The following DAB1 variants were observed in gnomAD, a reference collection of about 807,000 sequenced individuals.
DAB1 encodes DAB adaptor protein 1.
In DAB1, 15 loss-of-function variants were observed where a neutral mutation model predicts 64.6. The observed-to-expected ratio is 0.23, with a 90% CI of 0.16 to 0.36. The LOEUF (loss-of-function observed/expected upper bound fraction) is 0.36, where lower values mean the gene tolerates loss of function less well. Ranked by LOEUF, DAB1 falls within the 10% of genes least tolerant of loss-of-function variation. The pLI, the probability that DAB1 is intolerant of heterozygous loss-of-function variation, is 1.00. For synonymous variants in DAB1, 235 were observed against 251.9 expected (o/e 0.93, Z 0.64); for missense variants, 596 against 706.7 (o/e 0.84, Z 1.78).
intron 3 of DAB1, among the ~76,000 whole-genome samples, chr1:58,356,519 T>C (rs920157707): frequency 2.0e-5 from 3 of 152,044 alleles, no homozygotes; most frequent in Non-Finnish European, 4.4e-5. Context: ...TTTAAGGAAG[T>C]GACATTTGGA....
chr1:57,171,767 C>A (rs1445578893), intron 2 of DAB1, among the ~76,000 whole-genome samples: 1 of 152,108 alleles, frequency 6.6e-6, no homozygotes, highest in Non-Finnish European at 1.5e-5. Context: ...CAGTTTATGT[C>A]CTGCAGCATG....
chr1:57,410,530 C>G (rs1684024822), intron 1 of DAB1, among the ~76,000 whole-genome samples: 1 of 152,188 alleles, frequency 6.6e-6, no homozygotes, highest in Admixed American at 6.5e-5. Context: ...AGGTGTCAAA[C>G]TTAGATTGAG....
chr1:58,111,707 C>T (rs908526887), intron 5 of DAB1, among the ~76,000 whole-genome samples: 1 of 152,100 alleles, frequency 6.6e-6, no homozygotes, highest in African/African-American at 2.4e-5. Context: ...CTCTTTTGTT[C>T]CATCCTAGAT....
At chr1:57,463,529 G>A (rs1224402122) in intron 7 of DAB1, among the ~76,000 whole-genome samples, 5 of 152,100 alleles carry the variant, frequency 3.3e-5, no homozygotes, top group Admixed American at 1.3e-4. Flanking sequence ...AGATCCCTAG[G>A]ATGAGTGTGC....
intron 8 of DAB1, among the ~76,000 whole-genome samples, chr1:57,065,115 A>G (rs1181664535): frequency 6.6e-6 from 1 of 152,224 alleles, no homozygotes; most frequent in Non-Finnish European, 1.5e-5. Context: ...CAAACTGTGC[A>G]TAATTGAAAA....
intron 7 of DAB1, among the ~76,000 whole-genome samples, chr1:57,460,130 C>T (rs1367997053): frequency 6.6e-6 from 1 of 152,202 alleles, no homozygotes; most frequent in Non-Finnish European, 1.5e-5. Flanking sequence ...GTTGAGCAAA[C>T]AAACCATTAG....
intron 7 of DAB1, among the ~76,000 whole-genome samples, chr1:57,485,856 C>G (rs1644083925): frequency 6.6e-6 from 1 of 152,066 alleles, no homozygotes; most frequent in African/African-American, 2.4e-5. Flanking sequence ...TATTGTGCAC[C>G]CATAAGAGAT....
At chr1:57,034,962 A>G (rs1056862316) in intron 9 of DAB1, among the ~76,000 whole-genome samples, 3 of 152,222 alleles carry the variant, frequency 2.0e-5, no homozygotes, top group African/African-American at 4.8e-5. Context: ...AGGCCCTCTA[A>G]GGCAGAGCCT....
chr1:57,326,886 A>G (rs1676203104), intron 1 of DAB1, among the ~76,000 whole-genome samples: 3 of 152,122 alleles, frequency 2.0e-5, no homozygotes, highest in Admixed American at 2.0e-4. Context: ...ATCTAGGGGT[A>G]CACAAACCCA....
chr1:57,574,436 T>C (rs556964931), intron 7 of DAB1, among the ~76,000 whole-genome samples: 2 of 152,334 alleles, frequency 1.3e-5, no homozygotes, highest in African/African-American at 4.8e-5. Flanking sequence ...CTATGTGCTG[T>C]TCATATATCA....
intron 2 of DAB1, among the ~76,000 whole-genome samples, chr1:57,240,183 T>C (rs569142469): frequency 1.3e-5 from 2 of 152,186 alleles, no homozygotes; most frequent in African/African-American, 2.4e-5. Flanking sequence ...AGTACCAAAA[T>C]AAGACCTGGG....
At chr1:57,324,728 C>T (rs1676015650) in intron 1 of DAB1, among the ~76,000 whole-genome samples, 1 of 152,140 alleles carries the variant, frequency 6.6e-6, no homozygotes, top group Non-Finnish European at 1.5e-5. Flanking sequence ...TCTTTCTCAG[C>T]CTCTCAGCCC....
At position 58,090,930 on chromosome 1, in the gene DAB1, G is replaced by A. The variant is rs766732366; in HGVS notation, n.387+59581C>T. 4.6e-4 allele frequency among the ~76,000 whole-genome samples: 70 copies of A among 152,302 alleles called. No homozygotes were observed. The Middle Eastern group carries it at 0.02, about 44-fold the overall frequency. Reference sequence around the variant, plus strand: ...GTTCTCTAGGAAAGAGACTTATATAGTTTAGCTGAATAAGTCGGTTCAGTG... The same window carrying A: ...GTTCTCTAGGAAAGAGACTTATATAATTTAGCTGAATAAGTCGGTTCAGTG... On this transcript the variant is annotated intron_variant and non_coding_transcript_variant, in intron 5 of 20. Transcript: ENST00000485760.
chr1:58,530,770 T>C (rs371846822), intron 1 of DAB1: 1 of 855,908 alleles, frequency 1.2e-6, no homozygotes, highest in Non-Finnish European at 2.0e-6. Context: ...TTTTATACAT[T>C]GAGACAGTAT....
chr1:58,544,661 C>G (rs1441051664), intron 1 of DAB1, among the ~76,000 whole-genome samples: 1 of 152,182 alleles, frequency 6.6e-6, no homozygotes, highest in East Asian at 1.9e-4. Context: ...GTGGTGCCAC[C>G]TCGGCTCACT....
intron 1 of DAB1, among the ~76,000 whole-genome samples, chr1:57,830,754 T>C (rs1652549390): frequency 6.6e-6 from 1 of 152,174 alleles, no homozygotes; most frequent in African/African-American, 2.4e-5. Flanking sequence ...CTAGACTGTT[T>C]ATGCAGAAAA....
At chr1:58,294,865 C>CGTGTGTGTGT (rs55922554) in intron 4 of DAB1, among the ~76,000 whole-genome samples, 18,117 of 137,438 alleles carry the variant, frequency 0.13, 1,468 homozygotes, top group East Asian at 0.33. Context: ...TGGTCCAGAA[C>CGTGTGTGTGT]GTGTGTGTGT....
chr1:58,404,478 T>C (rs536835246), intron 3 of DAB1, among the ~76,000 whole-genome samples: 1 of 152,352 alleles, frequency 6.6e-6, no homozygotes, highest in South Asian at 2.1e-4. Flanking sequence ...TCACATAGCC[T>C]CACAGGGCAG....
Position 58,254,866 on chromosome 1 carries a change from C to T in DAB1, n.309+88486G>A, listed in dbSNP as rs1660891673. Among the ~76,000 whole-genome samples, 2 of 81,318 alleles carry T rather than the reference C, an allele frequency of 2.5e-5. 1 individual carries two copies. The highest frequency in any genetic ancestry group is 4.3e-5 in the Non-Finnish European group (2 of 46,282). 53.3% of individuals were successfully genotyped at this position (81,318 alleles called of 152,430 possible). A position where few individuals can be genotyped will look rare whatever the true frequency, so the allele number is the denominator to read the frequency against. On this transcript the variant is annotated intron_variant and non_coding_transcript_variant, in intron 4 of 20. Coordinates refer to the DAB1 transcript ENST00000485760. ...CGCAATAAACATACGTCTTTATAGC[C>T]GCATGTGTCTTTATAGCAGCATGAT...
Sources: gnomAD v4.1 joint callset for allele counts (sites outside exome capture counted in the v4.1 genomes callset) on GRCh38, gnomAD v4.1.1 for gene constraint, MANE v1.5 for transcripts, NCBI Gene and HGNC (gene_info 2026-07-23, HGNC 2026-07-21) for gene names.